The following TSSK3 variants were observed in gnomAD, a reference collection of about 807,000 sequenced individuals.
The protein encoded by TSSK3 is testis-specific serine/threonine-protein kinase 3.
Under a neutral mutation model 18.9 loss-of-function variants are expected in TSSK3, and 16 were observed. The ratio of observed to expected loss-of-function variants is 0.85; its 90% CI spans 0.57 to 1.28. TSSK3 has a LOEUF of 1.28. Among genes scored for constraint, TSSK3 ranks in the 50% most tolerant of loss-of-function variants. The probability of loss-of-function intolerance (pLI) is 0.00; values close to 1 mark genes in which losing one functional copy is unlikely to be tolerated. For synonymous variants in TSSK3, 146 were observed against 133.9 expected, an observed-to-expected ratio of 1.09 and a Z score of -0.62; for missense variants, 345 against 341.0, an observed-to-expected ratio of 1.01 and a Z score of -0.09.
chr1:32,363,175 C>G (rs1641739482), intron 1 of TSSK3: 5 of 368,280 alleles, frequency 1.4e-5, no homozygotes, highest in Non-Finnish European at 2.5e-5. Context: ...GGGGCTGGTG[C>G]CAAGGCCCGT....
In TSSK3 at chr1:32,363,702, T is replaced by TA; in HGVS notation, c.253_254insA (p.Cys85Ter). ...EMLESADGKI[C>*]LVMELAEGGD... is the part of the protein sequence containing the mutation. ...GCTGGAGTCTGCCGACGGGAAAATCTGCCTGGTGATGGAGCTCGCTGAGGG... is the reference window on the plus strand; with the variant it reads ...GCTGGAGTCTGCCGACGGGAAAATCTAGCCTGGTGATGGAGCTCGCTGAGGG... The change falls in exon 2 of 2, where the codon TGC becomes TAGC. Residue 85 changes from cysteine to a stop codon, truncating the protein, a stop_gained and frameshift_variant. Transcript: ENST00000373534. LOFTEE classifies it high-confidence loss of function. The TA allele has an allele frequency of 6.2e-7, 1 of 1,613,608 alleles. No homozygotes were observed. The highest frequency in any genetic ancestry group is 1.1e-5 in the South Asian group (1 of 90,950).
At chr1:32,363,513 GA>G in intron 1 of TSSK3, 81 bp from the exon 2 acceptor site, 1 of 1,385,954 alleles carries the variant, frequency 7.2e-7, no homozygotes, top group African/African-American at 1.4e-5. Flanking sequence ...AAGGTGGGCA[GA>G]AGTTGGAAGG....
In TSSK3 at chr1:32,363,692, C is replaced by A. The variant is rs765341971; in HGVS notation, c.243C>A (p.Asp81Glu). 3.7e-6 allele frequency: 6 copies of A among 1,614,096 alleles called. No homozygotes were observed. The highest frequency in any genetic ancestry group is 5.1e-6 in the Non-Finnish European group (6 of 1,180,030). Residue 81 changes from aspartate (D) to glutamate (E), a missense_variant, in exon 2 of 2, where the codon GAC becomes GAA. By Grantham distance (45) the Asp-to-Glu change is conservative. Coordinates refer to ENST00000373534, the MANE Select transcript of TSSK3 (RefSeq NM_052841.4). Reference sequence around the variant, plus strand: ...TGTATGAGATGCTGGAGTCTGCCGACGGGAAAATCTGCCTGGTGATGGAGC... The same window carrying A: ...TGTATGAGATGCTGGAGTCTGCCGAAGGGAAAATCTGCCTGGTGATGGAGC... The part of the protein sequence containing the change: ...IQVYEMLESA[D>E]GKICLVMELA...
Position 32,364,004 on chromosome 1 carries a change from C to A in TSSK3, c.555C>A (p.Pro185=). ...CCCCCGAGGTGCTGCAGGGCATTCCCCACGATAGCAAAAAAGGTGATGTCT... is the reference window on the plus strand; with the variant it reads ...CCCCCGAGGTGCTGCAGGGCATTCCACACGATAGCAAAAAAGGTGATGTCT... ...YAAPEVLQGI[P]HDSKKGDVWS... Residue 185 remains proline, a synonymous_variant, in exon 2 of 2, where the codon CCC becomes CCA. Transcript: ENST00000373534. The A allele has an allele frequency of 3.7e-6, 6 of 1,614,242 alleles. No homozygotes were observed. Among genetic ancestry groups the A allele is most frequent in the Non-Finnish European group, 5.1e-6 (6 of 1,180,034 alleles).
chr1:32,363,406 C>A (rs760267059), intron 1 of TSSK3, 189 bp from the exon 2 acceptor site: 2 of 623,116 alleles, frequency 3.2e-6, no homozygotes, highest in African/African-American at 3.7e-5. Flanking sequence ...GAATGATATA[C>A]TAACGACAAA....
In TSSK3 at chr1:32,363,828, G is replaced by A. The variant is rs745576149; in HGVS notation, c.379G>A (p.Gly127Ser). The A allele has an allele frequency of 4.3e-6, 7 of 1,614,092 alleles. No individual in the cohort carries two copies. In the East Asian group the frequency reaches 1.6e-4, roughly 36 times the overall value. Residue 127 changes from glycine to serine, a missense_variant, in exon 2 of 2, where the codon GGC becomes AGC. Coordinates refer to ENST00000373534, the MANE Select transcript of TSSK3 (RefSeq NM_052841.4). ...GGTTGAGGCCATCCGCTACTGCCAT[G>A]GCTGTGGTGTGGCCCACCGGGACCT... ...QMVEAIRYCH[G>S]CGVAHRDLKC...
At position 32,362,651 on chromosome 1, in the gene TSSK3, CT is replaced by C. The variant is rs761434288; in HGVS notation, c.-50del. ...GGGCGATGGTGGAGTAGAGCTGCCT[CT>C]CAGAGGCAGCATGAGCTGAGAGGGT... On this transcript the variant is annotated 5_prime_UTR_variant, in exon 1 of 2. It introduces an in-frame stop codon into an upstream open reading frame of the 5' UTR. Transcript: ENST00000373534. 1.2e-5 allele frequency: 20 copies of C among 1,606,722 alleles called. No individual in the cohort carries two copies. The East Asian group carries it at 4.0e-4, about 32-fold the overall frequency.
At chr1:32,363,128 G>A in intron 1 of TSSK3, 2 of 431,956 alleles carry the variant, frequency 4.6e-6, no homozygotes. Flanking sequence ...GGGGAACAGA[G>A]ACTGGCAGAG....
chr1:32,362,736 T>G lies in TSSK3; in HGVS notation c.35T>G (p.Leu12Arg). 1 of 1,614,110 alleles carries G rather than the reference T, an allele frequency of 6.2e-7. No individual in the cohort carries two copies. The highest frequency in any genetic ancestry group is 8.5e-7 in the Non-Finnish European group (1 of 1,180,000). The change falls in exon 1 of 2, where the codon CTG becomes CGG. Residue 12 changes from leucine to arginine, a missense_variant. Physicochemically the swap from Leu to Arg is moderately radical, Grantham distance 102. Coordinates refer to ENST00000373534, the MANE Select transcript of TSSK3 (RefSeq NM_052841.4). Reference protein sequence around the residue: ...EDFLLSNGYQLGKTIGEGTYS... With the variant: ...EDFLLSNGYQRGKTIGEGTYS... ...TTTCTGCTCTCCAATGGGTACCAGC[T>G]GGGCAAGACCATTGGGGAAGGGACC...
In TSSK3 at chr1:32,362,860, C is replaced by T; in HGVS notation, c.145+14C>T. 2.5e-6 allele frequency: 4 copies of T among 1,613,708 alleles called. No homozygotes were observed. Among genetic ancestry groups the T allele is most frequent in the Non-Finnish European group, 3.4e-6 (4 of 1,179,788 alleles). On this transcript the variant is annotated intron_variant, in intron 1 of 1. Transcript: ENST00000373534. ...GAGGGCCAGAAGGTGAGCCGGGGCC[C>T]CTTTGGAGGGAAGGAGGGAGGACTG...
chr1:32,363,332 C>T, intron 1 of TSSK3: 1 of 483,088 alleles, frequency 2.1e-6, no homozygotes, highest in South Asian at 3.0e-5. Flanking sequence ...CCTAAAGCAC[C>T]TTGATATCCA....
rs554072974 is a variant in TSSK3 at position 32,363,730 on chromosome 1, G to A, written c.281G>A (p.Gly94Glu). The change falls in exon 2 of 2, where the codon GGG becomes GAG. Residue 94 changes from glycine (G) to glutamate (E), a missense_variant. Transcript: ENST00000373534. ...ICLVMELAEGGDVFDCVLNGG... is the reference protein window; with the variant it reads ...ICLVMELAEGEDVFDCVLNGG... ...CTGGTGATGGAGCTCGCTGAGGGAG[G>A]GGATGTCTTTGACTGCGTGCTGAAT... The A allele has an allele frequency of 1.2e-6, 2 of 1,613,826 alleles. No homozygotes were observed. The highest frequency in any genetic ancestry group is 2.7e-5 in the African/African-American group (2 of 74,942).
rs992254632 is a variant in TSSK3 at position 32,362,626 on chromosome 1, G to C, written c.-76G>C. 3 of 1,562,792 alleles carry C rather than the reference G, an allele frequency of 1.9e-6. No individual in the cohort carries two copies. Among genetic ancestry groups the C allele is most frequent in the African/African-American group, 2.7e-5 (2 of 72,814 alleles). Reference sequence around the variant, plus strand: ...CTTGGGGAGAAAAGGAGCAGGCCAAGGGCGATGGTGGAGTAGAGCTGCCTC... The same window carrying C: ...CTTGGGGAGAAAAGGAGCAGGCCAACGGCGATGGTGGAGTAGAGCTGCCTC... On this transcript the variant is annotated 5_prime_UTR_variant, in exon 1 of 2. Coordinates refer to ENST00000373534, the MANE Select transcript of TSSK3 (RefSeq NM_052841.4).
rs1331714757 is a variant in TSSK3 at position 32,364,245 on chromosome 1, G to A, written c.796G>A (p.Ala266Thr). ...IEEVSWHPWL[A>T]ST is the part of the protein sequence containing the mutation. ...AGAAGTTAGTTGGCATCCATGGCTA[G>A]CAAGCACTTGATAAAAGCAATGGCA... Residue 266 changes from alanine (A) to threonine (T), a missense_variant, in exon 2 of 2, where the codon GCA (alanine) becomes ACA (threonine). By Grantham distance (58) the Ala-to-Thr change is moderately conservative (BLOSUM62 0). Transcript: ENST00000373534. 1.3e-6 allele frequency: 2 copies of A among 1,595,396 alleles called. No homozygotes were observed. Among genetic ancestry groups the A allele is most frequent in the Non-Finnish European group, 1.7e-6 (2 of 1,166,790 alleles).
Position 32,362,674 on chromosome 1 carries a change from G to T in TSSK3, c.-28G>T. 1 of 1,613,316 alleles carries T rather than the reference G, an allele frequency of 6.2e-7. No individual in the cohort carries two copies. The highest frequency in any genetic ancestry group is 8.5e-7 in the Non-Finnish European group (1 of 1,179,580). Reference sequence around the variant, plus strand: ...CTCTCAGAGGCAGCATGAGCTGAGAGGGTGATAGGAAGGCGGCGCTAGACA... The same window carrying T: ...CTCTCAGAGGCAGCATGAGCTGAGATGGTGATAGGAAGGCGGCGCTAGACA... On this transcript the variant is annotated 5_prime_UTR_variant, in exon 1 of 2. It adds an upstream start codon to the 5' untranslated region. Transcript: ENST00000373534.
At position 32,363,616 on chromosome 1, in the gene TSSK3, C is replaced by G. The variant is rs1231638945; in HGVS notation, c.167C>G (p.Pro56Arg). 1 of 1,613,044 alleles carries G rather than the reference C, an allele frequency of 6.2e-7. No homozygotes were observed. The highest frequency in any genetic ancestry group is 8.5e-7 in the Non-Finnish European group (1 of 1,179,296). Residue 56 changes from proline (P) to arginine (R), a missense_variant, in exon 2 of 2, where the codon CCT (proline) becomes CGT (arginine). Coordinates refer to ENST00000373534, the MANE Select transcript of TSSK3 (RefSeq NM_052841.4). ...TCAGAGTTTATCCAGAGATTCCTCC[C>G]TCGGGAGCTCCAAATCGTCCGTACC... Reference protein sequence around the residue: ...GPEEFIQRFLPRELQIVRTLD... With the variant: ...GPEEFIQRFLRRELQIVRTLD...
Position 32,363,649 on chromosome 1 carries a change from A to C in TSSK3, c.200A>C (p.His67Pro). 2 of 1,614,204 alleles carry C rather than the reference A, an allele frequency of 1.2e-6. No individual in the cohort carries two copies. The highest frequency in any genetic ancestry group is 1.7e-6 in the Non-Finnish European group (2 of 1,180,028). The stretch of plus-strand genomic sequence containing the variant: ...CTCCAAATCGTCCGTACCCTGGACC[A>C]CAAGAACATCATCCAGGTGTATGAG... ...RELQIVRTLDHKNIIQVYEML... is the reference protein window; with the variant it reads ...RELQIVRTLDPKNIIQVYEML... Residue 67 changes from histidine (H) to proline (P), a missense_variant, in exon 2 of 2, where the codon CAC (histidine) becomes CCC (proline). Transcript: ENST00000373534.
In TSSK3 at chr1:32,362,661, GCA is replaced by G; in HGVS notation, c.-40_-39del. On this transcript the variant is annotated 5_prime_UTR_variant, in exon 1 of 2. It removes an upstream start codon present in the reference 5' UTR. Coordinates refer to ENST00000373534, the MANE Select transcript of TSSK3 (RefSeq NM_052841.4). ...GGAGTAGAGCTGCCTCTCAGAGGCAGCATGAGCTGAGAGGGTGATAGGAAGGC... is the reference window on the plus strand; with the variant it reads ...GGAGTAGAGCTGCCTCTCAGAGGCAGTGAGCTGAGAGGGTGATAGGAAGGC... 1 of 1,610,492 alleles carries G rather than the reference GCA, an allele frequency of 6.2e-7. No individual in the cohort carries two copies. The highest frequency in any genetic ancestry group is 8.5e-7 in the Non-Finnish European group (1 of 1,178,112).
rs1175367901 is a variant in TSSK3, at chr1:32,363,909, T to C, written c.460T>C (p.Phe154Leu). 6.2e-7 allele frequency: 1 copy of C among 1,614,214 alleles called. No individual in the cohort carries two copies. Among genetic ancestry groups the C allele is most frequent in the African/African-American group, 1.3e-5 (1 of 75,056 alleles). The change falls in exon 2 of 2, where the codon TTT becomes CTT. Residue 154 changes from phenylalanine (F) to leucine (L), a missense_variant. Phe to Leu is a conservative substitution (Grantham distance 22, BLOSUM62 0). Coordinates refer to ENST00000373534, the MANE Select transcript of TSSK3 (RefSeq NM_052841.4). ...CAACCTGAAGCTGACTGACTTTGGC[T>C]TTGCCAAGGTGTTGCCCAAGTCACA... Reference protein sequence around the residue: ...GFNLKLTDFGFAKVLPKSHRE... With the variant: ...GFNLKLTDFGLAKVLPKSHRE...
Sources: gnomAD v4.1 joint callset for allele counts on GRCh38, gnomAD v4.1.1 for gene constraint, MANE v1.5 for transcripts, NCBI Gene and HGNC (gene_info 2026-07-23, HGNC 2026-07-21) for gene names.